RSBN1: variants seen among roughly 807,000 people sequenced by gnomAD.
The protein encoded by RSBN1 is lysine-specific demethylase 9.
A neutral mutation model predicts 74.8 loss-of-function variants in RSBN1; 23 were observed. The observed-to-expected ratio is 0.31, with a 90% CI of 0.22 to 0.44. The LOEUF (loss-of-function observed/expected upper bound fraction) is 0.44, where lower values mean the gene tolerates loss of function less well. RSBN1 is among the 20% of genes least tolerant of loss of function. The pLI, the probability that RSBN1 is intolerant of heterozygous loss-of-function variation, is 1.00. For synonymous variants in RSBN1, 407 were observed against 379.6 expected (o/e 1.07, Z -0.84); for missense variants, 808 against 1,020.9 (o/e 0.79, Z 2.84).
intron 4 of RSBN1, among the ~76,000 whole-genome samples, chr1:113,773,835 T>C (rs770688783): frequency 1.3e-5 from 2 of 151,784 alleles, no homozygotes; most frequent in Non-Finnish European, 2.9e-5. Flanking sequence ...AAACCCCGTC[T>C]CTACTAAAAA....
At chr1:113,780,050 C>G (rs937894387) in intron 2 of RSBN1, among the ~76,000 whole-genome samples, 7 of 151,966 alleles carry the variant, frequency 4.6e-5, no homozygotes, top group Admixed American at 6.5e-5. Context: ...CAGTCTCCCC[C>G]AAACACCTCT....
intron 2 of RSBN1, among the ~76,000 whole-genome samples, chr1:113,779,839 G>GGT (rs1416752046): frequency 6.6e-6 from 1 of 150,448 alleles, no homozygotes; most frequent in Non-Finnish European, 1.5e-5. Flanking sequence ...TGGCCGAGAT[G>GGT]GTGAAATCCC....
chr1:113,782,810 T>G (rs2101803226), intron 2 of RSBN1, among the ~76,000 whole-genome samples: 1 of 152,346 alleles, frequency 6.6e-6, no homozygotes, highest in East Asian at 1.9e-4. Context: ...CAGCATTTAT[T>G]TTTTGTCTTT....
In RSBN1 at chr1:113,764,694, C is replaced by T. The variant is rs184323168; in HGVS notation, c.*1286G>A. On this transcript the variant is annotated 3_prime_UTR_variant, in exon 7 of 7. Transcript: ENST00000261441. Reference sequence around the variant, plus strand: ...GGAAAAAAAAAAAATCTCCAAATTGCACTGTAACCAGGGAGATATAAGAAT... The same window carrying T: ...GGAAAAAAAAAAAATCTCCAAATTGTACTGTAACCAGGGAGATATAAGAAT... 8 of 147,968 alleles carry T rather than the reference C, an allele frequency of 5.4e-5. No homozygotes were observed. In the East Asian group the frequency reaches 1.5e-3, roughly 28 times the overall value. 9.2% of individuals were successfully genotyped at this position (147,968 alleles called of 1,614,324 possible).
In RSBN1 at chr1:113,763,643, A is replaced by G. The variant is rs1354858457; in HGVS notation, c.*2337T>C. The G allele has an allele frequency of 1.3e-5, 2 of 152,750 alleles. No individual in the cohort carries two copies. The highest frequency in any genetic ancestry group is 2.4e-5 in the African/African-American group (1 of 41,444). 9.5% of individuals were successfully genotyped at this position (152,750 alleles called of 1,614,324 possible). A position where few individuals can be genotyped will look rare whatever the true frequency, so the allele number is the denominator to read the frequency against. ...CTAGCTAAATGTTTCTCTTCATTCT[A>G]TTGCAATTCTAACATACAATGAATT... On this transcript the variant is annotated 3_prime_UTR_variant, in exon 7 of 7. Coordinates refer to ENST00000261441, the MANE Select transcript of RSBN1 (RefSeq NM_018364.5).
intron 4 of RSBN1, 43 bp downstream of exon 4, chr1:113,777,166 TA>T: frequency 5.8e-5 from 91 of 1,568,420 alleles, no homozygotes; most frequent in South Asian, 1.2e-4. Context: ...AGCAACCAAC[TA>T]AAAAAAAGTA....
chr1:113,789,870 G>C (rs553801477), intron 2 of RSBN1, among the ~76,000 whole-genome samples: 4 of 152,322 alleles, frequency 2.6e-5, no homozygotes, highest in African/African-American at 7.2e-5. Flanking sequence ...TAAAATTAAT[G>C]TAGAGTTAGA....
chr1:113,808,638 T>C (rs1042164817), intron 1 of RSBN1, among the ~76,000 whole-genome samples: 4 of 152,204 alleles, frequency 2.6e-5, no homozygotes, highest in South Asian at 4.1e-4. Flanking sequence ...ATCCATACCA[T>C]GGAACACTAT....
chr1:113,769,907 T>C (rs1659856785), intron 4 of RSBN1, among the ~76,000 whole-genome samples: 1 of 152,172 alleles, frequency 6.6e-6, no homozygotes, highest in Non-Finnish European at 1.5e-5. Flanking sequence ...CAGGTAGAAA[T>C]GTAGACAGAC....
intron 1 of RSBN1, among the ~76,000 whole-genome samples, chr1:113,798,502 G>A (rs1163545097): frequency 6.6e-6 from 1 of 152,124 alleles, no homozygotes; most frequent in Non-Finnish European, 1.5e-5. Context: ...ATCAACAAAG[G>A]CAAAGTAAGC....
rs780136153 is a variant in RSBN1 at position 113,811,959 on chromosome 1, C to T, written c.454G>A (p.Ala152Thr). 2 of 1,584,404 alleles carry T rather than the reference C, an allele frequency of 1.3e-6. No homozygotes were observed. Among genetic ancestry groups the T allele is most frequent in the South Asian group, 1.1e-5 (1 of 88,390 alleles). Residue 152 changes from alanine to threonine, a missense_variant, in exon 1 of 7, where the codon GCA becomes ACA. Coordinates refer to ENST00000261441, the MANE Select transcript of RSBN1 (RefSeq NM_018364.5). ...GCAGCGACAGCGGGCCCGGCGGGTG[C>T]CAGCGAAGGTGGCGGCGGAGGCGGC... The part of the protein sequence containing the change: ...LLPPPPPPSL[A>T]PAGPAVAAPL...
Position 113,812,199 on chromosome 1 carries a change from C to G in RSBN1, c.214G>C (p.Gly72Arg), listed in dbSNP as rs758298601. 3.0e-5 allele frequency: 49 copies of G among 1,608,244 alleles called. No individual in the cohort carries two copies. The highest frequency in any genetic ancestry group is 4.2e-5 in the Non-Finnish European group (49 of 1,179,902). The change falls in exon 1 of 7, where the codon GGG becomes CGG. Residue 72 changes from glycine (G) to arginine (R), a missense_variant. Physicochemically the swap from Gly to Arg is moderately radical, Grantham distance 125. Around this residue, in one of 6 missense-constraint regions of RSBN1, gnomAD observed 464 missense variants for 401.0 expected, o/e 1.16. Transcript: ENST00000261441. ...VAAQEEPDKE[G>R]KEKPHAGVSP... ...ACCCCAGCATGAGGTTTCTCCTTCCCCTCTTTGTCCGGCTCCTCCTGCGCC... is the reference window on the plus strand; with the variant it reads ...ACCCCAGCATGAGGTTTCTCCTTCCGCTCTTTGTCCGGCTCCTCCTGCGCC...
chr1:113,786,015 A>C lies in RSBN1; in HGVS notation c.1378-8207T>G, dbSNP rs192239807. 2.6e-4 allele frequency among the ~76,000 whole-genome samples: 39 copies of C among 152,350 alleles called. No homozygotes were observed. In the East Asian group the frequency reaches 2.9e-3, roughly 11 times the overall value. Reference sequence around the variant, plus strand: ...TCTCAGAGGGGCACAAAAAGTAAAGAGATCAGCTAGGAGTATTCTATAATA... The same window carrying C: ...TCTCAGAGGGGCACAAAAAGTAAAGCGATCAGCTAGGAGTATTCTATAATA... On this transcript the variant is annotated intron_variant, in intron 2 of 6. Transcript: ENST00000261441.
chr1:113,778,246 G>A (rs1660067486), intron 2 of RSBN1, among the ~76,000 whole-genome samples: 4 of 150,906 alleles, frequency 2.7e-5, no homozygotes, highest in South Asian at 2.1e-4. Context: ...CTTTAGCCCA[G>A]ATACCAGGAT....
At chr1:113,768,012 G>A (rs1401090211) in intron 5 of RSBN1, 1 of 421,564 alleles carries the variant, frequency 2.4e-6, no homozygotes, top group African/African-American at 2.0e-5. Flanking sequence ...TAGAGTTACA[G>A]CCTCGCAAGA....
chr1:113,773,565 A>C (rs1296102495), intron 4 of RSBN1, among the ~76,000 whole-genome samples: 1 of 152,186 alleles, frequency 6.6e-6, no homozygotes, highest in Non-Finnish European at 1.5e-5. Context: ...ATTTTTATCC[A>C]ATCAGATCAA....
chr1:113,766,316 C>T lies in RSBN1; in HGVS notation c.2073G>A (p.Ala691=), dbSNP rs777380467. ...NVIHQFKTVS[A]VCSLAWHIRL... is the part of the protein sequence containing the mutation. The stretch of plus-strand genomic sequence containing the variant: ...TTATATGCCAGGCTAAGCTGCACAC[C>T]GCCGAAACTGTTTTGAACTGATGAA... The change falls in exon 7 of 7, where the codon GCG becomes GCA. Residue 691 remains alanine, a synonymous_variant. Coordinates refer to ENST00000261441, the MANE Select transcript of RSBN1 (RefSeq NM_018364.5). 43 of 1,613,920 alleles carry T rather than the reference C, an allele frequency of 2.7e-5. No homozygotes were observed. The highest frequency in any genetic ancestry group is 1.0e-4 in the Admixed American group (6 of 59,984).
intron 1 of RSBN1, among the ~76,000 whole-genome samples, chr1:113,801,125 G>A (rs2101822350): frequency 6.6e-6 from 1 of 152,006 alleles, no homozygotes; most frequent in Non-Finnish European, 1.5e-5. Flanking sequence ...GGGATCACAG[G>A]CATGTACCAC....
intron 2 of RSBN1, among the ~76,000 whole-genome samples, chr1:113,780,797 G>A (rs1660124054): frequency 1.3e-5 from 2 of 152,174 alleles, no homozygotes; most frequent in South Asian, 2.1e-4. Context: ...AAAATACTAG[G>A]ACTGGATTTT....
Sources: allele counts gnomAD v4.1 joint callset (sites outside exome capture counted in the v4.1 genomes callset), GRCh38; gene constraint gnomAD v4.1.1; regional missense constraint gnomAD v4.1.1; transcripts MANE v1.5; gene names NCBI Gene and HGNC (gene_info 2026-07-23, HGNC 2026-07-21).